DCAF5: variants seen among roughly 807,000 people sequenced by gnomAD.
The protein encoded by DCAF5 is DDB1 and CUL4 associated factor 5.
DCAF5 carries 9 observed loss-of-function variants against 80.7 expected under a neutral mutation model. The ratio of observed to expected loss-of-function variants is 0.11; its 90% CI spans 0.07 to 0.19. The LOEUF is 0.19. Ranked by LOEUF, DCAF5 falls within the 10% of genes least tolerant of loss-of-function variation. The pLI, the probability that DCAF5 is intolerant of heterozygous loss-of-function variation, is 1.00. For synonymous variants in DCAF5, 433 were observed against 461.9 expected, an observed-to-expected ratio of 0.94 and a Z score of 0.80; for missense variants, 842 against 1,205.7, an observed-to-expected ratio of 0.70 and a Z score of 4.47.
intron 1 of DCAF5, among the ~76,000 whole-genome samples, chr14:69,135,884 T>A (rs1051261567): frequency 2.0e-5 from 3 of 152,176 alleles, no homozygotes; most frequent in Non-Finnish European, 2.9e-5. Context: ...CGATGTATGA[T>A]GTTATAAAAT....
chr14:69,058,094 T>C (rs1018306380), intron 8 of DCAF5, among the ~76,000 whole-genome samples: 1 of 152,206 alleles, frequency 6.6e-6, no homozygotes, highest in African/African-American at 2.4e-5. Context: ...TACTGACCGT[T>C]CCTATTATCT....
intron 7 of DCAF5, among the ~76,000 whole-genome samples, chr14:69,066,338 T>A (rs2038441305): frequency 6.6e-6 from 1 of 152,122 alleles, no homozygotes; most frequent in Admixed American, 6.5e-5. Flanking sequence ...GGTTTCACCA[T>A]GTTGGTTAGG....
chr14:69,119,613 G>A (rs1465752530), intron 2 of DCAF5, among the ~76,000 whole-genome samples: 3 of 151,756 alleles, frequency 2.0e-5, no homozygotes, highest in Non-Finnish European at 4.4e-5. Context: ...TACTAAGGAG[G>A]CTGAGGTGGA....
intron 1 of DCAF5, among the ~76,000 whole-genome samples, chr14:69,151,932 C>G (rs1191350223): frequency 6.6e-6 from 1 of 152,174 alleles, no homozygotes; most frequent in Admixed American, 6.5e-5. Context: ...CCCGTCTGGG[C>G]GAGAGGGAGG....
intron 5 of DCAF5, among the ~76,000 whole-genome samples, chr14:69,109,134 G>A (rs2040263824): frequency 6.6e-6 from 1 of 151,982 alleles, no homozygotes; most frequent in Non-Finnish European, 1.5e-5. Flanking sequence ...GAGGTCAGGA[G>A]ATTGAGACCA....
At chr14:69,089,303 C>CA (rs781174102) in intron 6 of DCAF5, 2 of 152,168 alleles carry the variant, frequency 1.3e-5, no homozygotes, top group Admixed American at 6.5e-5. Context: ...AAGGAGTCAA[C>CA]AAAAAAGCCA....
chr14:69,097,399 T>C (rs146663837), intron 5 of DCAF5, among the ~76,000 whole-genome samples: 1 of 152,212 alleles, frequency 6.6e-6, no homozygotes, highest in African/African-American at 2.4e-5. Context: ...AAAATTTTTT[T>C]ATAGTAACCC....
intron 7 of DCAF5, among the ~76,000 whole-genome samples, chr14:69,069,786 TA>T: frequency 6.6e-6 from 1 of 151,288 alleles, no homozygotes; most frequent in Admixed American, 6.6e-5. Context: ...CAGTTAGTTT[TA>T]AAAAAAAAGT....
At chr14:69,082,532 T>C (rs1234803179) in intron 6 of DCAF5, among the ~76,000 whole-genome samples, 1 of 152,190 alleles carries the variant, frequency 6.6e-6, no homozygotes, top group East Asian at 1.9e-4. Flanking sequence ...AAAAAAGTGC[T>C]GTAAATTACC....
intron 5 of DCAF5, among the ~76,000 whole-genome samples, chr14:69,098,013 C>A (rs1189555319): frequency 2.0e-5 from 3 of 152,168 alleles, no homozygotes; most frequent in Non-Finnish European, 4.4e-5. Context: ...CCTATCATTC[C>A]TTTGCTGAAA....
At chr14:69,060,436 A>G (rs1385266889) in intron 8 of DCAF5, among the ~76,000 whole-genome samples, 2 of 152,256 alleles carry the variant, frequency 1.3e-5, no homozygotes, top group African/African-American at 2.4e-5. Context: ...TGTGTGCTGC[A>G]ATGAAAGTCA....
intron 5 of DCAF5, among the ~76,000 whole-genome samples, chr14:69,111,337 C>G (rs1830106936): frequency 6.6e-6 from 1 of 152,196 alleles, no homozygotes; most frequent in African/African-American, 2.4e-5. Flanking sequence ...TAGGAACTTG[C>G]TCTCATTGCC....
At position 69,053,820 on chromosome 14, in the gene DCAF5, G is replaced by T; in HGVS notation, c.*37C>A. 1 of 1,537,556 alleles carries T rather than the reference G, an allele frequency of 6.5e-7. No homozygotes were observed. The highest frequency in any genetic ancestry group is 8.7e-7 in the Non-Finnish European group (1 of 1,151,810). On this transcript the variant is annotated 3_prime_UTR_variant, in exon 9 of 9. Coordinates refer to ENST00000341516, the MANE Select transcript of DCAF5 (RefSeq NM_003861.3). ...TAAACAATTTTTTTTTTTTTGTAAG[G>T]CTACTTTTGTAGCTTTTTGTTTTCC...
chr14:69,122,189 G>T, intron 2 of DCAF5, 28 bp downstream of exon 2: 1 of 1,598,578 alleles, frequency 6.3e-7, no homozygotes, highest in Non-Finnish European at 8.6e-7. Context: ...CCACAGTGAC[G>T]TTCCCAAGGT....
chr14:69,109,252 G>A (rs1187077255), intron 5 of DCAF5, among the ~76,000 whole-genome samples: 1 of 151,688 alleles, frequency 6.6e-6, no homozygotes, highest in Non-Finnish European at 1.5e-5. Context: ...GCTGAGTCAG[G>A]AGAATGGTGT....
chr14:69,151,219 G>C (rs1275418), intron 1 of DCAF5, among the ~76,000 whole-genome samples: 37,054 of 152,116 alleles, frequency 0.24, 5,871 homozygotes, highest in Middle Eastern at 0.43. Flanking sequence ...GGTTTCTTCA[G>C]AGGATGATCT....
intron 6 of DCAF5, chr14:69,085,489 T>C (rs968456351): frequency 1.7e-5 from 6 of 360,504 alleles, no homozygotes; most frequent in African/African-American, 8.7e-5. Flanking sequence ...TTTGGACTTA[T>C]CTAACAAGAG....
intron 1 of DCAF5, among the ~76,000 whole-genome samples, chr14:69,140,068 C>A (rs2041318651): frequency 6.6e-6 from 1 of 151,976 alleles, no homozygotes; most frequent in South Asian, 2.1e-4. Context: ...GAGATCGAGA[C>A]TAGCCTGGGC....
chr14:69,148,588 A>T (rs1240922146), intron 1 of DCAF5, among the ~76,000 whole-genome samples: 1 of 152,026 alleles, frequency 6.6e-6, no homozygotes, highest in Non-Finnish European at 1.5e-5. Context: ...CCAGCTACTC[A>T]GGAGGCTGAG....
Sources: allele counts gnomAD v4.1 joint callset (sites outside exome capture counted in the v4.1 genomes callset), GRCh38; gene constraint gnomAD v4.1.1; transcripts MANE v1.5; gene names NCBI Gene and HGNC (gene_info 2026-07-23, HGNC 2026-07-21).